Variants in CNIH3 observed in about 807,000 individuals in gnomAD.
CNIH3 encodes the protein cornichon family AMPA receptor auxiliary protein 3, also known as protein cornichon homolog 3.
Under a neutral mutation model 24.1 loss-of-function variants are expected in CNIH3, and 14 were observed. The observed-to-expected ratio is 0.58, with a 90% confidence interval of 0.38 to 0.91. CNIH3 has a LOEUF of 0.91. CNIH3 is among the 40% of genes least tolerant of loss of function. The pLI is 0.00. For synonymous variants in CNIH3, 68 were observed against 73.8 expected, an observed-to-expected ratio of 0.92 and a Z score of 0.40; for missense variants, 178 against 196.8, an observed-to-expected ratio of 0.90 and a Z score of 0.57.
intron 1 of CNIH3, among the ~76,000 whole-genome samples, chr1:224,483,693 C>T (rs1036077208): frequency 5.9e-5 from 9 of 152,014 alleles, no homozygotes; most frequent in African/African-American, 2.2e-4. Context: ...CCACCACACC[C>T]GGCTGATTTT....
intron 2 of CNIH3, among the ~76,000 whole-genome samples, chr1:224,524,136 C>T (rs150536524): frequency 6.6e-6 from 1 of 152,342 alleles, no homozygotes; most frequent in African/African-American, 2.4e-5. Context: ...CCCAAATCTG[C>T]ACCATCTGGA....
intron 4 of CNIH3, chr1:224,574,491 A>G (rs905163299): frequency 1.5e-6 from 1 of 661,076 alleles, no homozygotes; most frequent in African/African-American, 1.8e-5. Context: ...GGGGCTAGGC[A>G]CCTGGAATTC....
At chr1:224,465,959 C>T (rs370860385) in intron 1 of CNIH3, among the ~76,000 whole-genome samples, 3 of 152,072 alleles carry the variant, frequency 2.0e-5, no homozygotes, top group Non-Finnish European at 4.4e-5. Context: ...GCCTGGGAGG[C>T]GGAGGTTGCA....
At chr1:224,722,370 G>A (rs1215537318) in intron 3 of CNIH3, among the ~76,000 whole-genome samples, 3 of 152,184 alleles carry the variant, frequency 2.0e-5, no homozygotes, top group Non-Finnish European at 4.4e-5. Flanking sequence ...ATCTGCATTT[G>A]TAACAAGTGC....
chr1:224,583,726 T>C (rs1263846796), intron 5 of CNIH3, among the ~76,000 whole-genome samples: 1 of 152,148 alleles, frequency 6.6e-6, no homozygotes, highest in African/African-American at 2.4e-5. Flanking sequence ...ATGGAGTCTG[T>C]ATGTGGAAGA....
At chr1:224,647,723 G>A (rs1684681380) in intron 1 of CNIH3, among the ~76,000 whole-genome samples, 1 of 152,198 alleles carries the variant, frequency 6.6e-6, no homozygotes, top group South Asian at 2.1e-4. Flanking sequence ...GGTGGCACAG[G>A]GGGAAGAGAA....
intron 5 of CNIH3, among the ~76,000 whole-genome samples, chr1:224,738,148 T>C (rs529452100): frequency 1.3e-5 from 2 of 152,336 alleles, no homozygotes; most frequent in Admixed American, 1.3e-4. Context: ...ACTCACTGAA[T>C]CCTCGTGGTT....
chr1:224,622,703 T>C (rs1683338853), intron 1 of CNIH3, among the ~76,000 whole-genome samples: 1 of 152,238 alleles, frequency 6.6e-6, no homozygotes, highest in African/African-American at 2.4e-5. Flanking sequence ...TGAACAAACA[T>C]TAAAGGCAGT....
In CNIH3 at chr1:224,734,682, T is replaced by G; in HGVS notation, c.431T>G (p.Leu144Arg). 1 of 1,614,188 alleles carries G rather than the reference T, an allele frequency of 6.2e-7. No individual in the cohort carries two copies. Among genetic ancestry groups the G allele is most frequent in the Admixed American group, 1.7e-5 (1 of 60,020 alleles). Residue 144 changes from leucine (L) to arginine (R), a missense_variant, in exon 5 of 6, where the codon CTC (leucine) becomes CGC (arginine). Leu to Arg is a moderately radical substitution (Grantham distance 102). Coordinates refer to ENST00000272133, the MANE Select transcript of CNIH3 (RefSeq NM_152495.2). ...TGGTGTAAGCTGGCCTTCTATCTCC[T>G]CTCCTTCTTCTACTACCTTTACTGG... ...EAWCKLAFYLLSFFYYLYCMI... is the reference protein window; with the variant it reads ...EAWCKLAFYLRSFFYYLYCMI...
intron 1 of CNIH3, among the ~76,000 whole-genome samples, 169 bp downstream of exon 1, chr1:224,617,424 C>T (rs961647885): frequency 1.3e-5 from 2 of 152,226 alleles, no homozygotes; most frequent in Non-Finnish European, 2.9e-5. Flanking sequence ...CCGGGCGCGC[C>T]TTCGGTGCCC....
chr1:224,435,069 C>T (rs1674587472), intron 1 of CNIH3: 5 of 985,530 alleles, frequency 5.1e-6, no homozygotes, highest in Non-Finnish European at 4.8e-6. Flanking sequence ...TTCGTAGCCG[C>T]CCTCCGAAGC....
At chr1:224,626,728 T>C (rs537668106) in intron 1 of CNIH3, among the ~76,000 whole-genome samples, 2 of 152,154 alleles carry the variant, frequency 1.3e-5, no homozygotes, top group Non-Finnish European at 2.9e-5. Flanking sequence ...CAACATAGCA[T>C]TGACCTACCT....
chr1:224,565,568 G>A (rs1332281348), intron 3 of CNIH3: 3 of 152,466 alleles, frequency 2.0e-5, no homozygotes, highest in Non-Finnish European at 4.4e-5. Flanking sequence ...TGAGCCCTAC[G>A]CTTGCTGTTC....
intron 1 of CNIH3, among the ~76,000 whole-genome samples, chr1:224,470,469 C>A (rs1376183974): frequency 5.3e-5 from 8 of 151,970 alleles, no homozygotes. Context: ...TGTGTGCCAC[C>A]AGGCCCAGCT....
At chr1:224,680,789 C>T (rs967105137) in intron 1 of CNIH3, among the ~76,000 whole-genome samples, 169 bp from the exon 2 acceptor site, 3 of 152,132 alleles carry the variant, frequency 2.0e-5, no homozygotes, top group Non-Finnish European at 2.9e-5. Flanking sequence ...TATAATCAAC[C>T]CCATGTGCTT....
At chr1:224,701,834 A>C (rs1687506476) in intron 3 of CNIH3, among the ~76,000 whole-genome samples, 1 of 152,208 alleles carries the variant, frequency 6.6e-6, no homozygotes, top group South Asian at 2.1e-4. Flanking sequence ...TGGGGTTTAA[A>C]TCCAGGCAGT....
At chr1:224,647,342 G>A (rs914495996) in intron 1 of CNIH3, among the ~76,000 whole-genome samples, 3 of 152,164 alleles carry the variant, frequency 2.0e-5, no homozygotes, top group African/African-American at 4.8e-5. Flanking sequence ...GAATTCCTCC[G>A]ATAAAAAGTT....
intron 3 of CNIH3, among the ~76,000 whole-genome samples, chr1:224,727,636 G>A (rs1689105269): frequency 6.6e-6 from 1 of 152,164 alleles, no homozygotes; most frequent in African/African-American, 2.4e-5. Flanking sequence ...TATGGTGCAG[G>A]CCTCATGCAA....
intron 1 of CNIH3, among the ~76,000 whole-genome samples, chr1:224,631,047 T>G (rs1683795793): frequency 6.6e-6 from 1 of 152,030 alleles, no homozygotes; most frequent in African/African-American, 2.4e-5. Context: ...TCATCCCAGC[T>G]ACTCGGGAGG....
Sources: allele counts gnomAD v4.1 joint callset (sites outside exome capture counted in the v4.1 genomes callset), GRCh38; gene constraint gnomAD v4.1.1; transcripts MANE v1.5; gene names NCBI Gene and HGNC (gene_info 2026-07-23, HGNC 2026-07-21).